Variants in LINGO2 observed in about 807,000 individuals in gnomAD.
The protein encoded by LINGO2 is leucine-rich repeat and immunoglobulin-like domain-containing nogo receptor-interacting protein 2.
LINGO2 carries 14 observed loss-of-function variants against 30.6 expected under a neutral mutation model. The observed-to-expected ratio is 0.46, with a 90% CI of 0.30 to 0.72. The LOEUF is 0.72. Ranked by LOEUF, LINGO2 falls within the 30% of genes least tolerant of loss-of-function variation. The pLI is 0.07. For missense variants in LINGO2, 729 were observed against 751.7 expected (o/e 0.97, Z 0.35); for synonymous variants, 317 against 288.5 (o/e 1.10, Z -1.00).
At chr9:28,733,461 G>C in the LINGO2 span, among the ~76,000 whole-genome samples, 4 of 152,010 alleles carry the variant, frequency 2.6e-5, no homozygotes, top group African/African-American at 9.7e-5. Context: ...TGAACTTATG[G>C]ACATCTGGTG....
chr9:28,026,248 T>G (rs1274110568), intron 4 of LINGO2, among the ~76,000 whole-genome samples: 2 of 152,204 alleles, frequency 1.3e-5, no homozygotes, highest in Non-Finnish European at 2.9e-5. Flanking sequence ...TAATTTTTGA[T>G]GTTTACATAC....
chr9:29,044,540 A>G, the LINGO2 span, among the ~76,000 whole-genome samples: 1 of 152,166 alleles, frequency 6.6e-6, no homozygotes, highest in East Asian at 1.9e-4. Flanking sequence ...ATTTTACAAT[A>G]TCTCACAAAA....
At chr9:28,709,632 GA>G in the LINGO2 span, among the ~76,000 whole-genome samples, 1 of 151,918 alleles carries the variant, frequency 6.6e-6, no homozygotes. Context: ...AATACAAACA[GA>G]AATGCTTGCA....
At chr9:28,295,717 C>T (rs916886332) in intron 3 of LINGO2, among the ~76,000 whole-genome samples, 5 of 152,080 alleles carry the variant, frequency 3.3e-5, no homozygotes, top group Non-Finnish European at 7.3e-5. Context: ...TTCTACTTTA[C>T]CCATAATATT....
In LINGO2 at chr9:28,578,328, T is replaced by A. The variant is rs573190565; in HGVS notation, c.-365+91872A>T. On this transcript the variant is annotated intron_variant, in intron 1 of 5. Coordinates refer to ENST00000379992, the Ensembl canonical transcript of LINGO2. ...CAGATCCAGATTCAGATTGCCTGTG[T>A]GTCTCAGCAGCTGTCATTCATTCTC... 3.3e-5 allele frequency among the ~76,000 whole-genome samples: 5 copies of A among 152,256 alleles called. No individual in the cohort carries two copies. The East Asian group carries it at 5.8e-4, about 18-fold the overall frequency.
intron 1 of LINGO2, among the ~76,000 whole-genome samples, chr9:28,526,093 C>T (rs1277282950): frequency 7.0e-6 from 1 of 142,490 alleles, no homozygotes; most frequent in African/African-American, 2.6e-5. Flanking sequence ...GAGTTACCCA[C>T]CTTATACTGG....
the LINGO2 span, among the ~76,000 whole-genome samples, chr9:29,047,708 T>A: frequency 6.6e-6 from 1 of 152,162 alleles, no homozygotes; most frequent in African/African-American, 2.4e-5. Context: ...TTATATGATC[T>A]TATATTTGGA....
At chr9:28,929,431 G>A in the LINGO2 span, among the ~76,000 whole-genome samples, 1 of 152,234 alleles carries the variant, frequency 6.6e-6, no homozygotes, top group African/African-American at 2.4e-5. Context: ...CTGGGCTGAG[G>A]AGAGAGGGTT....
intron 2 of LINGO2, among the ~76,000 whole-genome samples, chr9:28,454,622 T>C (rs1307662871): frequency 2.0e-5 from 3 of 151,974 alleles, no homozygotes; most frequent in Non-Finnish European, 4.4e-5. Context: ...TATTCTGTAC[T>C]GTATAAGTTT....
intron 4 of LINGO2, among the ~76,000 whole-genome samples, chr9:28,220,212 G>A (rs1820909395): frequency 6.6e-6 from 1 of 152,114 alleles, no homozygotes; most frequent in Non-Finnish European, 1.5e-5. Context: ...TGGGAGTCCT[G>A]GAACCAATTC....
chr9:28,877,325 C>A, the LINGO2 span, among the ~76,000 whole-genome samples: 1 of 151,872 alleles, frequency 6.6e-6, no homozygotes, highest in Non-Finnish European at 1.5e-5. Flanking sequence ...AAGTCCTTGC[C>A]CATGCCTATG....
At chr9:29,178,927 G>A in the LINGO2 span, among the ~76,000 whole-genome samples, 3 of 151,620 alleles carry the variant, frequency 2.0e-5, no homozygotes, top group African/African-American at 4.9e-5. Context: ...TGGAGTTTCA[G>A]GCTAGACTGG....
chr9:28,911,531 T>C, the LINGO2 span, among the ~76,000 whole-genome samples: 1 of 152,084 alleles, frequency 6.6e-6, no homozygotes, highest in Non-Finnish European at 1.5e-5. Context: ...AATAACAGAA[T>C]TGTAAATGAA....
At chr9:28,200,821 A>C (rs1820203494) in intron 4 of LINGO2, among the ~76,000 whole-genome samples, 1 of 152,236 alleles carries the variant, frequency 6.6e-6, no homozygotes. Context: ...TTAGAGAATA[A>C]GGCAAAGGCC....
At chr9:28,009,353 G>GAC (rs1237202894) in intron 5 of LINGO2, among the ~76,000 whole-genome samples, 4 of 51,574 alleles carry the variant, frequency 7.8e-5, no homozygotes, top group African/African-American at 2.7e-4. Context: ...AAGCACAAGT[G>GAC]ATAAAAAAAA....
intron 4 of LINGO2, among the ~76,000 whole-genome samples, chr9:28,222,698 A>T (rs1352731557): frequency 6.6e-6 from 1 of 152,236 alleles, no homozygotes; most frequent in Non-Finnish European, 1.5e-5. Context: ...CGCACAAAAC[A>T]CTGAATAAAA....
At chr9:29,139,871 C>A in the LINGO2 span, among the ~76,000 whole-genome samples, 1 of 151,602 alleles carries the variant, frequency 6.6e-6, no homozygotes, top group Non-Finnish European at 1.5e-5. Context: ...GATTGGGGAC[C>A]ACTGAGAACA....
chr9:28,554,527 T>C (rs1213816146), intron 1 of LINGO2, among the ~76,000 whole-genome samples: 1 of 147,642 alleles, frequency 6.8e-6, no homozygotes, highest in East Asian at 2.0e-4. Flanking sequence ...CAAAGAGACT[T>C]AGACTCCCAC....
At chr9:27,943,844 C>G (rs937356051), downstream of LINGO2, 2 of 152,148 alleles carry the variant, frequency 1.3e-5, no homozygotes. Flanking sequence ...TGGGCTGTCT[C>G]AGGGGACTTT....
Sources: gnomAD v4.1 joint callset for allele counts (sites outside exome capture counted in the v4.1 genomes callset) on GRCh38, gnomAD v4.1.1 for gene constraint, MANE v1.5 for transcripts, NCBI Gene and HGNC (gene_info 2026-07-23, HGNC 2026-07-21) for gene names.